The following PGR variants were observed in gnomAD, a reference collection of about 807,000 sequenced individuals.
The protein encoded by PGR is nuclear receptor subfamily 3 group C member 3.
Under a neutral mutation model 76.1 loss-of-function variants are expected in PGR, and 25 were observed. The ratio of observed to expected loss-of-function variants is 0.33; its 90% CI spans 0.24 to 0.46. The LOEUF is 0.46. Ranked by LOEUF, PGR falls within the 20% of genes least tolerant of loss-of-function variation. The pLI is 1.00. For missense variants in PGR, 1,172 were observed against 1,225.3 expected, an observed-to-expected ratio of 0.96 and a Z score of 0.65; for synonymous variants, 579 against 535.0, an observed-to-expected ratio of 1.08 and a Z score of -1.14.
At chr11:101,062,272 C>G (rs1860529243) in intron 4 of PGR, among the ~76,000 whole-genome samples, 175 bp downstream of exon 4, 1 of 152,092 alleles carries the variant, frequency 6.6e-6, no homozygotes, top group South Asian at 2.1e-4. Flanking sequence ...TTTTATATTT[C>G]TGTAACACAT....
chr11:101,044,744 T>C (rs1175242087), intron 6 of PGR, among the ~76,000 whole-genome samples: 1 of 141,398 alleles, frequency 7.1e-6, no homozygotes, highest in African/African-American at 2.7e-5. Context: ...TCTTGCTCTG[T>C]CGCCCAGGCT....
chr11:101,079,894 G>A (rs779991984), intron 3 of PGR, among the ~76,000 whole-genome samples: 2 of 152,118 alleles, frequency 1.3e-5, no homozygotes, highest in African/African-American at 2.4e-5. Context: ...TCTATTCCAT[G>A]CCAAAGCAGA....
At chr11:101,085,020 T>C (rs897107269) in intron 3 of PGR, among the ~76,000 whole-genome samples, 11 of 152,094 alleles carry the variant, frequency 7.2e-5, no homozygotes, top group African/African-American at 2.7e-4. Context: ...CTGATAGCAT[T>C]AGATCATCAA....
At position 101,039,062 on chromosome 11, in the gene PGR, C is replaced by T. The variant is rs929399605; in HGVS notation, c.*54G>A. ...AAACTCAAGACCTCATAATCCTGAC[C>T]AAAACAAAAAGACATACCACAAAAT... On this transcript the variant is annotated 3_prime_UTR_variant, in exon 8 of 8. Coordinates refer to ENST00000325455, the MANE Select transcript of PGR (RefSeq NM_000926.4). 9.6e-6 allele frequency: 14 copies of T among 1,464,028 alleles called. 1 individual carries two copies. The Middle Eastern group carries it at 8.7e-4, about 91-fold the overall frequency. The allele number at this position is 1,464,028 out of a possible 1,614,324, so 90.7% of individuals were successfully genotyped here.
chr11:101,065,319 G>A (rs1384421823), intron 3 of PGR, among the ~76,000 whole-genome samples: 3 of 152,110 alleles, frequency 2.0e-5, no homozygotes, highest in Non-Finnish European at 4.4e-5. Flanking sequence ...TATGAGAAGA[G>A]AGTACTAAAA....
intron 2 of PGR, among the ~76,000 whole-genome samples, chr11:101,109,501 A>G (rs1037199074): frequency 6.6e-6 from 1 of 152,234 alleles, no homozygotes; most frequent in African/African-American, 2.4e-5. Context: ...CGCCAGCCAC[A>G]ACATTCCCTT....
At chr11:101,066,004 T>C (rs1860700255) in intron 3 of PGR, among the ~76,000 whole-genome samples, 1 of 152,188 alleles carries the variant, frequency 6.6e-6, no homozygotes, top group Non-Finnish European at 1.5e-5. Context: ...CAATTCATAC[T>C]CCTGACATTT....
chr11:101,036,383 C>T lies in PGR; in HGVS notation c.*2733G>A, dbSNP rs1335874695. 1 of 206,194 alleles carries T rather than the reference C, an allele frequency of 4.8e-6. No homozygotes were observed. Among genetic ancestry groups the T allele is most frequent in the Non-Finnish European group, 9.9e-6 (1 of 101,042 alleles). 12.8% of individuals were successfully genotyped at this position (206,194 alleles called of 1,614,324 possible). A position where few individuals can be genotyped will look rare whatever the true frequency, so the allele number is the denominator to read the frequency against. ...AATGCTTTAGACTCAAATGGCTTTT[C>T]AAACCTTTTTACAGAAAATATTTTC... On this transcript the variant is annotated 3_prime_UTR_variant, in exon 8 of 8. Coordinates refer to ENST00000325455, the MANE Select transcript of PGR (RefSeq NM_000926.4).
In PGR at chr11:101,033,495, A is replaced by C. The variant is rs1371361860; in HGVS notation, c.*5621T>G. 1 of 190,626 alleles carries C rather than the reference A, an allele frequency of 5.2e-6. No individual in the cohort carries two copies. Among genetic ancestry groups the C allele is most frequent in the Non-Finnish European group, 1.1e-5 (1 of 90,820 alleles). The allele number at this position is 190,626 out of a possible 1,614,324, so 11.8% of individuals were successfully genotyped here. On this transcript the variant is annotated 3_prime_UTR_variant, in exon 8 of 8. Transcript: ENST00000325455. ...GTCCATTGACTAACTATTATTTAAA[A>C]AGCAATGACATTTTATACTATCAAG...
intron 7 of PGR, among the ~76,000 whole-genome samples, chr11:101,040,515 T>C (rs943083163): frequency 1.3e-5 from 2 of 152,078 alleles, no homozygotes; most frequent in Non-Finnish European, 2.9e-5. Context: ...GTTTGATGGT[T>C]TGGCTAGGTA....
intron 6 of PGR, among the ~76,000 whole-genome samples, chr11:101,047,746 T>C (rs1189723117): frequency 1.3e-5 from 2 of 152,142 alleles, no homozygotes; most frequent in Admixed American, 6.5e-5. Context: ...GTTTGTACAT[T>C]TGAGGGCTGA....
Position 101,062,715 on chromosome 11 carries a change from C to T in PGR, c.1944G>A (p.Val648=). 1 of 1,613,538 alleles carries T rather than the reference C, an allele frequency of 6.2e-7. No homozygotes were observed. The highest frequency in any genetic ancestry group is 8.5e-7 in the Non-Finnish European group (1 of 1,179,812). The change falls in exon 4 of 8, where the codon GTG becomes GTA. Residue 648 remains valine, a synonymous_variant. Coordinates refer to ENST00000325455, the MANE Select transcript of PGR (RefSeq NM_000926.4). ...GGAGAGCAACAGCATCCAGTGCTCTCACAACTCTGACTTTATTGAACTTTT... is the reference window on the plus strand; with the variant it reads ...GGAGAGCAACAGCATCCAGTGCTCTTACAACTCTGACTTTATTGAACTTTT... ...KFKKFNKVRV[V]RALDAVALPQ...
intron 3 of PGR, among the ~76,000 whole-genome samples, chr11:101,084,918 C>A (rs1262216006): frequency 6.6e-6 from 1 of 152,122 alleles, no homozygotes; most frequent in Non-Finnish European, 1.5e-5. Flanking sequence ...ATTTAACTAT[C>A]CTAAATACAT....
At chr11:101,091,992 A>G (rs553999877) in intron 2 of PGR, 116 bp from the exon 3 acceptor site, 148 of 699,128 alleles carry the variant, frequency 2.1e-4, no homozygotes, top group Non-Finnish European at 3.4e-4. Context: ...TGACTCAGCC[A>G]GCTTCCTGCC....
chr11:101,066,576 C>A (rs503602), intron 3 of PGR, among the ~76,000 whole-genome samples: 28,303 of 152,124 alleles, frequency 0.19, 3,226 homozygotes, highest in African/African-American at 0.32. Context: ...AAACTCTAGA[C>A]TCAACTATGC....
At position 101,039,072 on chromosome 11, in the gene PGR, A is replaced by C. The variant is rs1859607339; in HGVS notation, c.*44T>G. On this transcript the variant is annotated 3_prime_UTR_variant, in exon 8 of 8. Transcript: ENST00000325455. ...CCTCATAATCCTGACCAAAACAAAA[A>C]GACATACCACAAAATTTAATTCTTT... 3 of 1,528,660 alleles carry C rather than the reference A, an allele frequency of 2.0e-6. No homozygotes were observed. The highest frequency in any genetic ancestry group is 2.7e-6 in the Non-Finnish European group (3 of 1,104,364). The allele number at this position is 1,528,660 out of a possible 1,614,324, so 94.7% of individuals were successfully genotyped here.
At chr11:101,097,800 G>A (rs551996618) in intron 2 of PGR, among the ~76,000 whole-genome samples, 10 of 144,900 alleles carry the variant, frequency 6.9e-5, no homozygotes, top group South Asian at 4.3e-4. Flanking sequence ...TTTTTTGAGC[G>A]GAGTCTCGCT....
At chr11:101,095,475 T>C (rs10895062) in intron 2 of PGR, among the ~76,000 whole-genome samples, 3,645 of 152,352 alleles carry the variant, frequency 0.024, 123 homozygotes, top group African/African-American at 0.084. Flanking sequence ...TTAACTCATT[T>C]CATCATCAAA....
intron 3 of PGR, among the ~76,000 whole-genome samples, chr11:101,075,331 A>T (rs1288405922): frequency 6.6e-6 from 1 of 152,202 alleles, no homozygotes; most frequent in Non-Finnish European, 1.5e-5. Flanking sequence ...AAGATAGATC[A>T]AAGACTTAAA....
Sources: allele counts gnomAD v4.1 joint callset (sites outside exome capture counted in the v4.1 genomes callset), GRCh38; gene constraint gnomAD v4.1.1; transcripts MANE v1.5; gene names NCBI Gene and HGNC (gene_info 2026-07-23, HGNC 2026-07-21).